Variants in TENM4 observed in about 807,000 individuals in gnomAD.
The protein encoded by TENM4 is teneurin transmembrane protein 4.
A neutral mutation model predicts 243.3 loss-of-function variants in TENM4; 82 were observed. The observed-to-expected ratio is 0.34, with a 90% CI of 0.28 to 0.40. TENM4 has a LOEUF of 0.40. TENM4 is among the 10% of genes least tolerant of loss of function. The probability of loss-of-function intolerance (pLI) is 1.00; values close to 1 mark genes in which losing one functional copy is unlikely to be tolerated. For synonymous variants in TENM4, 1,412 were observed against 1,456.3 expected, an observed-to-expected ratio of 0.97 and a Z score of 0.69; for missense variants, 3,138 against 3,673.3, an observed-to-expected ratio of 0.85 and a Z score of 3.77.
intron 19 of TENM4, among the ~76,000 whole-genome samples, chr11:78,747,773 T>C (rs1856085553): frequency 6.6e-6 from 1 of 152,286 alleles, no homozygotes; most frequent in South Asian, 2.1e-4. Flanking sequence ...GCAATATTAG[T>C]AATGTGAAAC....
At chr11:79,147,228 T>C (rs1305962341) in intron 4 of TENM4, among the ~76,000 whole-genome samples, 1 of 152,064 alleles carries the variant, frequency 6.6e-6, no homozygotes, top group Non-Finnish European at 1.5e-5. Context: ...ACTCAATCTC[T>C]CATCCAACAC....
At chr11:78,690,139 G>C (rs1858783557) in intron 28 of TENM4, among the ~76,000 whole-genome samples, 1 of 152,204 alleles carries the variant, frequency 6.6e-6, no homozygotes, top group African/African-American at 2.4e-5. Context: ...CTGGCCTAGG[G>C]GAGGCTGAAA....
chr11:79,256,310 C>A (rs1210259626), intron 2 of TENM4, among the ~76,000 whole-genome samples: 1 of 152,228 alleles, frequency 6.6e-6, no homozygotes, highest in Non-Finnish European at 1.5e-5. Flanking sequence ...CTGCTCCTCT[C>A]TCAACCCTCC....
At chr11:78,904,262 G>A (rs185955563) in intron 6 of TENM4, among the ~76,000 whole-genome samples, 11 of 151,214 alleles carry the variant, frequency 7.3e-5, no homozygotes, top group Admixed American at 2.0e-4. Flanking sequence ...CAGGAGGCTG[G>A]GGCAGGAGAA....
At chr11:79,433,332 G>T (rs1859206219) in intron 1 of TENM4, among the ~76,000 whole-genome samples, 1 of 152,050 alleles carries the variant, frequency 6.6e-6, no homozygotes, top group Non-Finnish European at 1.5e-5. Flanking sequence ...CAGAACTAGG[G>T]GTGTGCACAT....
At chr11:78,921,020 A>C (rs2136386051) in intron 6 of TENM4, among the ~76,000 whole-genome samples, 1 of 152,340 alleles carries the variant, frequency 6.6e-6, no homozygotes, top group East Asian at 1.9e-4. Context: ...TTCACGAATG[A>C]GGAAACTGGG....
intron 19 of TENM4, among the ~76,000 whole-genome samples, chr11:78,741,335 A>G (rs1025923622): frequency 6.6e-6 from 1 of 152,114 alleles, no homozygotes; most frequent in African/African-American, 2.4e-5. Context: ...CAAAAAGAAA[A>G]CCAGCTTCAG....
At chr11:78,966,922 T>G (rs184037597) in intron 6 of TENM4, among the ~76,000 whole-genome samples, 1 of 152,278 alleles carries the variant, frequency 6.6e-6, no homozygotes, top group East Asian at 1.9e-4. Context: ...GGGCACTTTT[T>G]GCATTAAATC....
chr11:79,072,877 C>T (rs1000541928), intron 4 of TENM4, among the ~76,000 whole-genome samples: 1 of 152,082 alleles, frequency 6.6e-6, no homozygotes. Context: ...ATATTAATAA[C>T]TCATAATATT....
At chr11:79,153,198 C>A (rs1039968775) in intron 3 of TENM4, among the ~76,000 whole-genome samples, 2 of 152,128 alleles carry the variant, frequency 1.3e-5, no homozygotes, top group Non-Finnish European at 1.5e-5. Context: ...ATTCAAAACC[C>A]TTTTATAAAA....
chr11:78,978,007 T>G (rs1326458618), intron 6 of TENM4, among the ~76,000 whole-genome samples: 1 of 152,112 alleles, frequency 6.6e-6, no homozygotes, highest in Admixed American at 6.6e-5. Context: ...ATATACACCA[T>G]GGAATACTAT....
intron 2 of TENM4, among the ~76,000 whole-genome samples, chr11:79,273,449 G>C (rs1376660453): frequency 6.6e-6 from 1 of 152,136 alleles, no homozygotes; most frequent in Non-Finnish European, 1.5e-5. Context: ...GGTTTCATGA[G>C]GTGCTCTAGA....
chr11:79,210,107 A>G (rs1863928629), intron 3 of TENM4, among the ~76,000 whole-genome samples: 1 of 152,184 alleles, frequency 6.6e-6, no homozygotes, highest in African/African-American at 2.4e-5. Context: ...GCTTTACTCA[A>G]TATTTACATA....
At chr11:78,950,792 C>T (rs762998390) in intron 6 of TENM4, among the ~76,000 whole-genome samples, 11 of 152,104 alleles carry the variant, frequency 7.2e-5, no homozygotes, top group East Asian at 1.9e-4. Flanking sequence ...ATGAAAACTC[C>T]GAGGTTAAAA....
At chr11:78,666,446 C>G (rs376133686) in intron 32 of TENM4, among the ~76,000 whole-genome samples, 9 of 152,224 alleles carry the variant, frequency 5.9e-5, no homozygotes, top group South Asian at 2.1e-4. Context: ...TGCCTTGGAC[C>G]CTGTGATCTA....
chr11:79,382,871 T>C (rs897166750), intron 1 of TENM4, among the ~76,000 whole-genome samples: 4 of 152,154 alleles, frequency 2.6e-5, no homozygotes, highest in African/African-American at 9.7e-5. Flanking sequence ...AAAATTCCTG[T>C]ACATGTAATT....
At chr11:79,328,603 G>A (rs1298890415) in intron 1 of TENM4, among the ~76,000 whole-genome samples, 1 of 152,128 alleles carries the variant, frequency 6.6e-6, no homozygotes, top group Middle Eastern at 3.4e-3. Context: ...TGGTGGTGGC[G>A]GTGTGGGGAC....
chr11:78,720,019 C>A (rs1354808012), intron 25 of TENM4, among the ~76,000 whole-genome samples: 1 of 152,234 alleles, frequency 6.6e-6, no homozygotes, highest in Non-Finnish European at 1.5e-5. Context: ...GACTTCCTAT[C>A]ATGACTATCA....
chr11:78,702,182 G>A lies in TENM4; in HGVS notation c.4431C>T (p.His1477=), dbSNP rs777369712. ...LESATALAVS[H]NGVLYIAETD... ...TCTCAGCAATATACAGGACCCCATT[G>A]TGTGAAACAGCCAAAGCGGTGGCTG... Residue 1477 remains histidine (H), a synonymous_variant, in exon 28 of 34, where the codon CAC becomes CAT. Transcript: ENST00000278550. The A allele has an allele frequency of 6.2e-7, 1 of 1,613,908 alleles. No homozygotes were observed. Among genetic ancestry groups the A allele is most frequent in the African/African-American group, 1.3e-5 (1 of 74,936 alleles).
Sources: allele counts gnomAD v4.1 joint callset (sites outside exome capture counted in the v4.1 genomes callset), GRCh38; gene constraint gnomAD v4.1.1; transcripts MANE v1.5; gene names NCBI Gene and HGNC (gene_info 2026-07-23, HGNC 2026-07-21).